CA1: variants seen among roughly 807,000 people sequenced by gnomAD.
CA1 encodes carbonate dehydratase I.
A neutral mutation model predicts 28.8 loss-of-function variants in CA1; 27 were observed. That is an observed-to-expected ratio of 0.94 (90% CI 0.69 to 1.29). The LOEUF (loss-of-function observed/expected upper bound fraction) is 1.29, where lower values mean the gene tolerates loss of function less well. Ranked by LOEUF, CA1 falls within the 50% of genes most tolerant of loss-of-function variation. The pLI is 0.00. For synonymous variants in CA1, 121 were observed against 108.8 expected, an observed-to-expected ratio of 1.11 and a Z score of -0.70; for missense variants, 335 against 310.5, an observed-to-expected ratio of 1.08 and a Z score of -0.59.
chr8:85,360,484 G>T (rs1008350619), intron 1 of CA1, among the ~76,000 whole-genome samples: 1 of 152,098 alleles, frequency 6.6e-6, no homozygotes, highest in Non-Finnish European at 1.5e-5. Flanking sequence ...TTGAGCTCAG[G>T]AATTCCAGAC....
At chr8:85,354,682 G>A (rs1310378551) in intron 1 of CA1, among the ~76,000 whole-genome samples, 1 of 152,178 alleles carries the variant, frequency 6.6e-6, no homozygotes, top group Non-Finnish European at 1.5e-5. Context: ...TGTGTGTGGT[G>A]GTGGCGAGGC....
Position 85,336,973 on chromosome 8 carries a change from G to T in CA1, c.326C>A (p.Thr109Lys). The T allele has an allele frequency of 6.2e-7, 1 of 1,608,772 alleles. No individual in the cohort carries two copies. Among genetic ancestry groups the T allele is most frequent in the African/African-American group, 1.3e-5 (1 of 74,882 alleles). ...GGCAGAATATTTGACTCCATCCACTGTATGTTCTGAACCATGCTCATTTGT... is the reference window on the plus strand; with the variant it reads ...GGCAGAATATTTGACTCCATCCACTTTATGTTCTGAACCATGCTCATTTGT... ...GSTNEHGSEHTVDGVKYSAEL... is the reference protein window; with the variant it reads ...GSTNEHGSEHKVDGVKYSAEL... The change falls in exon 4 of 8, where the codon ACA (threonine) becomes AAA (lysine). Residue 109 changes from threonine (T) to lysine (K), a missense_variant. Transcript: ENST00000523022.
chr8:85,377,388 A>C (rs554825097), intron 1 of CA1, among the ~76,000 whole-genome samples: 3 of 152,308 alleles, frequency 2.0e-5, no homozygotes, highest in East Asian at 1.9e-4. Context: ...AGGTAGACTA[A>C]ATTTGTAATT....
At chr8:85,353,407 C>A (rs1809483211) in intron 1 of CA1, among the ~76,000 whole-genome samples, 2 of 152,126 alleles carry the variant, frequency 1.3e-5, no homozygotes, top group Non-Finnish European at 2.9e-5. Flanking sequence ...CCAGAGAAAA[C>A]CAAAGTTATC....
At chr8:85,344,129 A>G (rs1809035381) in intron 1 of CA1, among the ~76,000 whole-genome samples, 1 of 138,136 alleles carries the variant, frequency 7.2e-6, no homozygotes, top group South Asian at 2.1e-4. Context: ...TAAAATTTAA[A>G]TTTATATATA....
At chr8:85,341,490 T>G in intron 2 of CA1, 109 bp downstream of exon 2, 2 of 764,690 alleles carry the variant, frequency 2.6e-6, no homozygotes, top group East Asian at 5.1e-5. Flanking sequence ...AAGCAGACAG[T>G]TCAACAATTA....
intron 2 of CA1, 63 bp from the exon 3 acceptor site, chr8:85,338,512 G>T: frequency 8.0e-7 from 1 of 1,247,636 alleles, no homozygotes; most frequent in Non-Finnish European, 1.2e-6. Context: ...AGTTTTAGGA[G>T]TATAGTTACC....
intron 1 of CA1, among the ~76,000 whole-genome samples, chr8:85,365,178 C>T (rs1809957225): frequency 6.6e-6 from 1 of 152,190 alleles, no homozygotes; most frequent in South Asian, 2.1e-4. Context: ...GTTATAATAC[C>T]TGCTTGTGAG....
intron 6 of CA1, 40 bp downstream of exon 6, chr8:85,332,450 T>A: frequency 6.9e-7 from 1 of 1,454,024 alleles, no homozygotes; most frequent in Non-Finnish European, 9.7e-7. Flanking sequence ...ATCTGTAAAT[T>A]CTTGTTCTCT....
At chr8:85,365,798 C>T (rs936039912) in intron 1 of CA1, among the ~76,000 whole-genome samples, 2 of 152,068 alleles carry the variant, frequency 1.3e-5, no homozygotes, top group Non-Finnish European at 2.9e-5. Flanking sequence ...ATCCATCACC[C>T]TCCTTCTTGC....
Position 85,328,508 on chromosome 8 carries a change from G to T in CA1, c.*52C>A. The T allele has an allele frequency of 4.2e-6, 4 of 952,256 alleles. No individual in the cohort carries two copies. Among genetic ancestry groups the T allele is most frequent in the Non-Finnish European group, 5.2e-6 (3 of 579,894 alleles). 59.0% of individuals were successfully genotyped at this position (952,256 alleles called of 1,614,324 possible). ...AAAAATTATTATTTTACTGGATTATGTCAGAAGCAGGGCTGTGTTCTTGAG... is the reference window on the plus strand; with the variant it reads ...AAAAATTATTATTTTACTGGATTATTTCAGAAGCAGGGCTGTGTTCTTGAG... On this transcript the variant is annotated 3_prime_UTR_variant, in exon 8 of 8. Transcript: ENST00000523022.
intron 4 of CA1, among the ~76,000 whole-genome samples, chr8:85,335,977 A>G (rs1302283005): frequency 6.6e-6 from 1 of 152,180 alleles, no homozygotes; most frequent in Non-Finnish European, 1.5e-5. Flanking sequence ...AATTACTTTC[A>G]CTAGTGCACA....
chr8:85,338,632 T>TTCTTTC (rs1554695486), intron 2 of CA1, among the ~76,000 whole-genome samples, 183 bp from the exon 3 acceptor site: 1 of 131,574 alleles, frequency 7.6e-6, no homozygotes, highest in African/African-American at 2.9e-5. Context: ...CTTTCCTTCT[T>TTCTTTC]TTTCTTTCTT....
At chr8:85,374,312 A>G (rs1347244910) in intron 1 of CA1, among the ~76,000 whole-genome samples, 1 of 152,164 alleles carries the variant, frequency 6.6e-6, no homozygotes, top group African/African-American at 2.4e-5. Context: ...TTATCTCTTC[A>G]TATAGCAAAA....
chr8:85,338,183 C>G, intron 3 of CA1, 69 bp downstream of exon 3: 1 of 1,257,228 alleles, frequency 8.0e-7, no homozygotes, highest in Non-Finnish European at 1.2e-6. Flanking sequence ...TCATATTTCT[C>G]GAGCACTATT....
chr8:85,344,204 ATATAATATAATTATAT>A (rs1809051346), intron 1 of CA1, among the ~76,000 whole-genome samples: 1 of 111,098 alleles, frequency 9.0e-6, no homozygotes, highest in Admixed American at 9.5e-5. Flanking sequence ...ATTATACAGT[ATATAATATAATTATAT>A]TATATACAGT....
At chr8:85,334,721 A>C (rs1808571957) in intron 4 of CA1, among the ~76,000 whole-genome samples, 1 of 151,918 alleles carries the variant, frequency 6.6e-6, no homozygotes, top group South Asian at 2.1e-4. Flanking sequence ...TTTTAAAAAC[A>C]GTATCTCACG....
intron 1 of CA1, chr8:85,373,421 T>G (rs1040768542): frequency 3.0e-4 from 46 of 152,286 alleles, no homozygotes; most frequent in African/African-American, 1.1e-3. Context: ...CATTCACCTC[T>G]TGTCATCTCA....
chr8:85,328,633 T>C lies in CA1; in HGVS notation c.713A>G (p.Asn238Ser). The stretch of plus-strand genomic sequence containing the variant: ...GTTGTTGTGCTGCATGGGGACAGCG[T>C]TATCACCTTCAACATTTGATAGAAG... ...RSLLSNVEGD[N>S]AVPMQHNNRP... Residue 238 changes from asparagine to serine, a missense_variant, in exon 8 of 8, where the codon AAC (asparagine) becomes AGC (serine). Asn to Ser is a conservative substitution (Grantham distance 46, BLOSUM62 1). Coordinates refer to ENST00000523022, the MANE Select transcript of CA1 (RefSeq NM_001128831.4). 6.2e-7 allele frequency: 1 copy of C among 1,611,222 alleles called. No individual in the cohort carries two copies. Among genetic ancestry groups the C allele is most frequent in the Non-Finnish European group, 8.5e-7 (1 of 1,178,016 alleles).
Sources: allele counts gnomAD v4.1 joint callset (sites outside exome capture counted in the v4.1 genomes callset), GRCh38; gene constraint gnomAD v4.1.1; transcripts MANE v1.5; gene names NCBI Gene and HGNC (gene_info 2026-07-23, HGNC 2026-07-21).